Variants in RICTOR observed in about 807,000 individuals in gnomAD.
RICTOR encodes the protein RPTOR independent companion of MTOR complex 2, also known as rapamycin-insensitive companion of mTOR.
Under a neutral mutation model 214.9 loss-of-function variants are expected in RICTOR, and 49 were observed. That is an observed-to-expected ratio of 0.23 (90% CI 0.18 to 0.29). The LOEUF (loss-of-function observed/expected upper bound fraction) is 0.29. Among genes scored for constraint, RICTOR ranks in the 10% least tolerant of loss-of-function variants. The pLI, the probability that RICTOR is intolerant of heterozygous loss-of-function variation, is 1.00. For synonymous variants in RICTOR, 717 were observed against 711.3 expected (o/e 1.01, Z -0.13); for missense variants, 1,625 against 2,047.0 (o/e 0.79, Z 3.98).
intron 3 of RICTOR, among the ~76,000 whole-genome samples, chr5:39,006,771 A>AGGAGGGGAGAGGAGG (rs1419271140): frequency 3.1e-4 from 8 of 25,708 alleles, no homozygotes; most frequent in Non-Finnish European, 4.0e-4. Flanking sequence ...AGGAGGGGAG[A>AGGAGGGGAGAGGAGG]GGAGAGGAGG....
chr5:38,984,830 GGT>G (rs989688488), intron 7 of RICTOR, among the ~76,000 whole-genome samples: 3 of 151,952 alleles, frequency 2.0e-5, no homozygotes, highest in Non-Finnish European at 2.9e-5. Flanking sequence ...TGGTGGTGGT[GGT>G]GTTTTGATAC....
chr5:39,009,631 T>G (rs935828102), intron 3 of RICTOR, among the ~76,000 whole-genome samples: 1 of 152,130 alleles, frequency 6.6e-6, no homozygotes, highest in African/African-American at 2.4e-5. Flanking sequence ...TCAATAATGG[T>G]TAAATGCCTT....
intron 36 of RICTOR, 169 bp from the exon 37 acceptor site, chr5:38,943,140 T>C: frequency 2.2e-6 from 1 of 460,876 alleles, no homozygotes; most frequent in Non-Finnish European, 3.8e-6. Flanking sequence ...GTCACACACT[T>C]AGACATTCTG....
intron 11 of RICTOR, among the ~76,000 whole-genome samples, chr5:38,969,064 G>C (rs757070077): frequency 6.0e-4 from 87 of 146,192 alleles, no homozygotes; most frequent in Middle Eastern, 3.5e-3. Flanking sequence ...CCACCTCCCG[G>C]GTTCAAGCAA....
At chr5:39,054,590 T>C (rs1358070126) in intron 2 of RICTOR, among the ~76,000 whole-genome samples, 1 of 152,246 alleles carries the variant, frequency 6.6e-6, no homozygotes, top group East Asian at 1.9e-4. Flanking sequence ...AAAGATTATA[T>C]AAGGCTAAGA....
In RICTOR at chr5:39,057,771, A is replaced by C. The variant is rs548437021; in HGVS notation, c.97+16340T>G. ...AGCAAGGATCTGTCAAGGTTATATT[A>C]AGTGTTCCCATCTTCAGGAAATTCC... On this transcript the variant is annotated intron_variant, in intron 2 of 37. Transcript: ENST00000357387. Among the ~76,000 whole-genome samples the C allele has an allele frequency of 2.0e-5, 3 of 152,236 alleles. No homozygotes were observed. In the East Asian group the frequency reaches 5.8e-4, roughly 29 times the overall value.
chr5:38,985,071 A>G (rs1752058506), intron 7 of RICTOR, among the ~76,000 whole-genome samples: 1 of 152,156 alleles, frequency 6.6e-6, no homozygotes, highest in African/African-American at 2.4e-5. Flanking sequence ...TCGGCCTCCC[A>G]AAGTGCTGGG....
intron 2 of RICTOR, among the ~76,000 whole-genome samples, chr5:39,047,970 C>T (rs1757606027): frequency 1.3e-5 from 2 of 152,104 alleles, no homozygotes; most frequent in Non-Finnish European, 2.9e-5. Flanking sequence ...AACCATATTG[C>T]CCCAGAAATA....
Position 38,950,213 on chromosome 5 carries a change from T to A in RICTOR, c.3635A>T (p.His1212Leu). ...RLVVESSTSS[H>L]MKIRSQSFNT... The stretch of plus-strand genomic sequence containing the variant: ...GAAACTTTGGCTACGTATCTTCATA[T>A]GTGAGCTCGTTGAACTTTCTACTAC... Residue 1212 changes from histidine to leucine, a missense_variant, in exon 31 of 38, where the codon CAT becomes CTT. Transcript: ENST00000357387. 5.0e-6 allele frequency: 8 copies of A among 1,613,588 alleles called. No individual in the cohort carries two copies. Among genetic ancestry groups the A allele is most frequent in the Non-Finnish European group, 6.8e-6 (8 of 1,179,664 alleles).
chr5:38,953,584 A>G, intron 27 of RICTOR, 31 bp from the exon 28 acceptor site: 1 of 727,470 alleles, frequency 1.4e-6, no homozygotes, highest in Non-Finnish European at 2.2e-6. Flanking sequence ...ACCATGAGTA[A>G]TAATATATTT....
intron 2 of RICTOR, among the ~76,000 whole-genome samples, chr5:39,064,659 A>G (rs1333141097): frequency 6.6e-6 from 1 of 152,206 alleles, no homozygotes; most frequent in East Asian, 1.9e-4. Context: ...GGGAGGAGGC[A>G]GCAAGTCACT....
intron 10 of RICTOR, 75 bp from the exon 11 acceptor site, chr5:38,972,034 A>T: frequency 1.5e-6 from 1 of 645,686 alleles, no homozygotes; most frequent in South Asian, 1.9e-5. Flanking sequence ...TATAATATAA[A>T]ACTTGTCATA....
At chr5:39,036,074 G>T (rs1251607990) in intron 2 of RICTOR, among the ~76,000 whole-genome samples, 1 of 152,126 alleles carries the variant, frequency 6.6e-6, no homozygotes, top group South Asian at 2.1e-4. Context: ...GAGAAAGGTC[G>T]GGTTACCCAC....
intron 2 of RICTOR, among the ~76,000 whole-genome samples, chr5:39,057,267 A>G (rs191032173): frequency 1.3e-5 from 2 of 152,278 alleles, no homozygotes; most frequent in Admixed American, 6.5e-5. Flanking sequence ...AATGTTTTGA[A>G]CAATAGTAAC....
chr5:39,032,424 A>C (rs1756341054), intron 2 of RICTOR, among the ~76,000 whole-genome samples: 1 of 152,242 alleles, frequency 6.6e-6, no homozygotes, highest in Non-Finnish European at 1.5e-5. Flanking sequence ...GTTTAACTGG[A>C]TTATAATGTT....
At chr5:39,043,399 C>A (rs1757294417) in intron 2 of RICTOR, among the ~76,000 whole-genome samples, 1 of 152,098 alleles carries the variant, frequency 6.6e-6, no homozygotes, top group South Asian at 2.1e-4. Flanking sequence ...AAGACAAACA[C>A]CACACAACCT....
chr5:39,014,302 T>C (rs1754772409), intron 3 of RICTOR, among the ~76,000 whole-genome samples: 2 of 152,148 alleles, frequency 1.3e-5, no homozygotes, highest in Admixed American at 1.3e-4. Flanking sequence ...ATTTTGCTCA[T>C]TTAAATCTCA....
At chr5:39,072,365 G>C (rs1436709278) in intron 2 of RICTOR, among the ~76,000 whole-genome samples, 1 of 152,076 alleles carries the variant, frequency 6.6e-6, no homozygotes, top group African/African-American at 2.4e-5. Flanking sequence ...GTGTACCTAA[G>C]CTCTTCCACA....
chr5:39,025,560 T>C (rs1440146823), intron 2 of RICTOR, among the ~76,000 whole-genome samples: 4 of 152,232 alleles, frequency 2.6e-5, no homozygotes, highest in Non-Finnish European at 5.9e-5. Flanking sequence ...GAATGGCTTA[T>C]TAAGCAACAG....
Sources: allele counts gnomAD v4.1 joint callset (sites outside exome capture counted in the v4.1 genomes callset), GRCh38; gene constraint gnomAD v4.1.1; transcripts MANE v1.5; gene names NCBI Gene and HGNC (gene_info 2026-07-23, HGNC 2026-07-21).